The following TMEM266 variants were observed in gnomAD, a reference collection of about 807,000 sequenced individuals.
TMEM266 encodes transmembrane protein 266.
Under a neutral mutation model 50.5 loss-of-function variants are expected in TMEM266, and 33 were observed. That is an observed-to-expected ratio of 0.65 (90% CI 0.50 to 0.87). TMEM266 has a LOEUF of 0.87. Among genes scored for constraint, TMEM266 ranks in the 40% least tolerant of loss-of-function variants. The pLI, the probability that TMEM266 is intolerant of heterozygous loss-of-function variation, is 0.00. For synonymous variants in TMEM266, 310 were observed against 292.3 expected (o/e 1.06, Z -0.62); for missense variants, 655 against 695.1 (o/e 0.94, Z 0.65).
intron 8 of TMEM266, among the ~76,000 whole-genome samples, chr15:76,187,274 G>A (rs1011915463): frequency 2.0e-5 from 3 of 152,254 alleles, no homozygotes; most frequent in East Asian, 1.9e-4. Context: ...ACCTCTGGCT[G>A]TCTTGGCCTG....
In TMEM266 at chr15:76,137,688, T is replaced by C; in HGVS notation, c.39-19T>C. 6.2e-7 allele frequency: 1 copy of C among 1,612,570 alleles called. No individual in the cohort carries two copies. Among genetic ancestry groups the C allele is most frequent in the South Asian group, 1.1e-5 (1 of 90,970 alleles). ...CCTTGAAGATAACTCTTTCCCATTGTTCCTCCTCTCCAACCCAGGCCTGCC... is the reference window on the plus strand; with the variant it reads ...CCTTGAAGATAACTCTTTCCCATTGCTCCTCCTCTCCAACCCAGGCCTGCC... On this transcript the variant is annotated intron_variant, in intron 2 of 10. Coordinates refer to ENST00000388942, the MANE Select transcript of TMEM266 (RefSeq NM_152335.3).
At chr15:76,070,842 T>C (rs1335203449) in intron 1 of TMEM266, among the ~76,000 whole-genome samples, 1 of 152,084 alleles carries the variant, frequency 6.6e-6, no homozygotes, top group Non-Finnish European at 1.5e-5. Context: ...TTCCTCCAAA[T>C]ACAGAGGGTC....
At chr15:76,066,002 T>C (rs1232873185) in intron 1 of TMEM266, among the ~76,000 whole-genome samples, 2 of 152,164 alleles carry the variant, frequency 1.3e-5, no homozygotes, top group African/African-American at 4.8e-5. Flanking sequence ...ACAGCCTGCT[T>C]TGTAGCAGAA....
At chr15:76,070,385 T>C (rs892586095) in intron 1 of TMEM266, among the ~76,000 whole-genome samples, 4 of 152,254 alleles carry the variant, frequency 2.6e-5, no homozygotes, top group Admixed American at 2.0e-4. Flanking sequence ...ACATGACTAC[T>C]TCTGAATGCT....
intron 1 of TMEM266, among the ~76,000 whole-genome samples, chr15:76,098,012 A>G (rs1400094900): frequency 6.6e-6 from 1 of 151,772 alleles, no homozygotes; most frequent in African/African-American, 2.4e-5. Flanking sequence ...ACCTTTTTTC[A>G]AGGTTCTTAG....
intron 3 of TMEM266, among the ~76,000 whole-genome samples, chr15:76,143,919 T>C (rs2037718316): frequency 6.6e-6 from 1 of 152,176 alleles, no homozygotes. Context: ...TCCAGCTACT[T>C]TCCTGGACAT....
intron 1 of TMEM266, among the ~76,000 whole-genome samples, chr15:76,071,949 G>T (rs908401243): frequency 6.6e-6 from 1 of 151,910 alleles, no homozygotes; most frequent in Non-Finnish European, 1.5e-5. Flanking sequence ...CTTAATTGAG[G>T]TTCTTGAAAT....
intron 1 of TMEM266, among the ~76,000 whole-genome samples, chr15:76,070,577 C>G (rs1401334029): frequency 1.3e-5 from 2 of 152,144 alleles, no homozygotes; most frequent in Non-Finnish European, 2.9e-5. Flanking sequence ...CTAGGTACAG[C>G]TCAAGTACTC....
intron 1 of TMEM266, among the ~76,000 whole-genome samples, chr15:76,073,911 A>G (rs1340855006): frequency 6.6e-6 from 1 of 152,168 alleles, no homozygotes; most frequent in Non-Finnish European, 1.5e-5. Context: ...TCTTGTGGAG[A>G]TGAGGCCGTT....
At chr15:76,180,472 A>G (rs898696602) in intron 8 of TMEM266, among the ~76,000 whole-genome samples, 3 of 151,976 alleles carry the variant, frequency 2.0e-5, no homozygotes, top group Non-Finnish European at 4.4e-5. Flanking sequence ...GGAAAGTGCC[A>G]TTCTTATTGT....
At chr15:76,141,893 T>C (rs924159144) in intron 3 of TMEM266, among the ~76,000 whole-genome samples, 6 of 152,240 alleles carry the variant, frequency 3.9e-5, no homozygotes, top group Admixed American at 1.3e-4. Context: ...ACAAGGTTCA[T>C]CCATGTTGTA....
chr15:76,195,504 G>A (rs1430266836), intron 9 of TMEM266, among the ~76,000 whole-genome samples: 1 of 152,220 alleles, frequency 6.6e-6, no homozygotes, highest in African/African-American at 2.4e-5. Context: ...CTTCTGGAAG[G>A]TGGGAGCAAT....
intron 1 of TMEM266, among the ~76,000 whole-genome samples, chr15:76,070,569 A>C (rs2036524063): frequency 6.6e-6 from 1 of 152,216 alleles, no homozygotes; most frequent in Non-Finnish European, 1.5e-5. Flanking sequence ...AATGGTGGCT[A>C]GGTACAGCTC....
In TMEM266 at chr15:76,101,616, T is replaced by G. The variant is rs551318529; in HGVS notation, c.-96-32552T>G. Among the ~76,000 whole-genome samples, 11 of 152,324 alleles carry G rather than the reference T, an allele frequency of 7.2e-5. No homozygotes were observed. In the South Asian group the frequency reaches 2.3e-3, roughly 32 times the overall value. On this transcript the variant is annotated intron_variant, in intron 1 of 10. Coordinates refer to ENST00000388942, the MANE Select transcript of TMEM266 (RefSeq NM_152335.3). The stretch of plus-strand genomic sequence containing the variant: ...CTAGTTCCTACATTATATCCAAGGA[T>G]TCTTCTAGTAGGGAAATGCTCTAAC...
chr15:76,125,554 A>T (rs1226824304), intron 1 of TMEM266, among the ~76,000 whole-genome samples: 4 of 150,692 alleles, frequency 2.7e-5, no homozygotes, highest in African/African-American at 9.7e-5. Flanking sequence ...TAGCCCTGTT[A>T]AAAAAAAATG....
intron 4 of TMEM266, among the ~76,000 whole-genome samples, chr15:76,157,441 T>C (rs2037944255): frequency 6.6e-6 from 1 of 152,216 alleles, no homozygotes; most frequent in South Asian, 2.1e-4. Context: ...TCTCTTCCTC[T>C]TGGCATTTGT....
chr15:76,079,514 G>C (rs1040845599), intron 1 of TMEM266, among the ~76,000 whole-genome samples: 1 of 149,766 alleles, frequency 6.7e-6, no homozygotes, highest in African/African-American at 2.5e-5. Flanking sequence ...TTCTGGCTGG[G>C]CATGGTGGCT....
rs374927714 is a variant in TMEM266 at position 76,161,462 on chromosome 15, GCTCTCTCT to G, written c.456+1306_456+1313del. Among the ~76,000 whole-genome samples the G allele has an allele frequency of 6.7e-6, 1 of 150,214 alleles. No homozygotes were observed. Among genetic ancestry groups the G allele is most frequent in the Non-Finnish European group, 1.5e-5 (1 of 67,402 alleles). ...CCCCTCTGGCCTAGCTAATGGCTCTGCTCTCTCTCTCTCTCTCTCCCTAAAAATCAGGA... is the reference window on the plus strand; with the variant it reads ...CCCCTCTGGCCTAGCTAATGGCTCTGCTCTCTCTCTCCCTAAAAATCAGGA... On this transcript the variant is annotated intron_variant, in intron 5 of 10. Coordinates refer to ENST00000388942, the MANE Select transcript of TMEM266 (RefSeq NM_152335.3). The surrounding 1 kb of genome is among the most constrained non-coding windows in gnomAD (Gnocchi z 4.1).
chr15:76,136,170 T>C (rs2037586417), intron 2 of TMEM266, among the ~76,000 whole-genome samples: 1 of 152,236 alleles, frequency 6.6e-6, no homozygotes, highest in African/African-American at 2.4e-5. Context: ...CTTGAACTCC[T>C]AACCTCAGGT....
Sources: allele counts gnomAD v4.1 joint callset (sites outside exome capture counted in the v4.1 genomes callset), GRCh38; gene constraint gnomAD v4.1.1; non-coding constraint Gnocchi (gnomAD v3.1); transcripts MANE v1.5; gene names NCBI Gene and HGNC (gene_info 2026-07-23, HGNC 2026-07-21).